TPRG1: variants seen among roughly 807,000 people sequenced by gnomAD.
The protein encoded by TPRG1 is tumor protein p63 regulated 1.
In TPRG1, 29 loss-of-function variants were observed where a neutral mutation model predicts 29.3. The observed-to-expected ratio is 0.99, with a 90% CI of 0.74 to 1.35. The LOEUF (loss-of-function observed/expected upper bound fraction) is 1.35. Ranked by LOEUF, TPRG1 falls within the 40% of genes most tolerant of loss-of-function variation. The probability of loss-of-function intolerance (pLI) is 0.00; values close to 1 mark genes in which losing one functional copy is unlikely to be tolerated. For missense variants in TPRG1, 327 were observed against 335.0 expected, an observed-to-expected ratio of 0.98 and a Z score of 0.19; for synonymous variants, 130 against 116.8, an observed-to-expected ratio of 1.11 and a Z score of -0.73.
chr3:189,284,141 A>G (rs145255650), intron 4 of TPRG1, among the ~76,000 whole-genome samples: 25 of 150,810 alleles, frequency 1.7e-4, no homozygotes, highest in African/African-American at 5.8e-4. Flanking sequence ...TGGGAAGGAC[A>G]TTTTCTGCTT....
intron 4 of TPRG1, among the ~76,000 whole-genome samples, chr3:189,061,274 C>A (rs1335110816): frequency 4.6e-5 from 7 of 152,050 alleles, no homozygotes; most frequent in Non-Finnish European, 1.0e-4. Context: ...CTCCTTCCAC[C>A]ATATACAAAA....
chr3:189,175,200 G>A (rs1033166650), intron 1 of TPRG1, among the ~76,000 whole-genome samples: 1 of 152,192 alleles, frequency 6.6e-6, no homozygotes, highest in African/African-American at 2.4e-5. Flanking sequence ...GTCTCACGAA[G>A]AAGAGATTTA....
chr3:189,255,631 C>T (rs952131878), intron 4 of TPRG1, among the ~76,000 whole-genome samples: 3 of 152,118 alleles, frequency 2.0e-5, no homozygotes, highest in Non-Finnish European at 4.4e-5. Context: ...TGGTAGAATT[C>T]GGCTGTGAAG....
intron 4 of TPRG1, among the ~76,000 whole-genome samples, chr3:189,084,937 G>C (rs1399588940): frequency 6.6e-6 from 1 of 152,186 alleles, no homozygotes; most frequent in African/African-American, 2.4e-5. Context: ...AATAGTAGAT[G>C]CTTGATAAAA....
chr3:189,096,754 T>G (rs1718705346), upstream of TPRG1, among the ~76,000 whole-genome samples: 1 of 152,236 alleles, frequency 6.6e-6, no homozygotes, highest in Non-Finnish European at 1.5e-5. Context: ...AAGTTTGGCT[T>G]AATTGAAGAC....
chr3:189,263,319 T>G (rs57987140), intron 4 of TPRG1, among the ~76,000 whole-genome samples: 85,594 of 151,966 alleles, frequency 0.56, 25,204 homozygotes, highest in African/African-American at 0.71. Context: ...GATGAAGGGG[T>G]TTATGGGGTG....
At chr3:189,118,374 C>T (rs1264603648) in intron 1 of TPRG1, among the ~76,000 whole-genome samples, 1 of 152,160 alleles carries the variant, frequency 6.6e-6, no homozygotes, top group East Asian at 1.9e-4. Flanking sequence ...GGAAAATTTG[C>T]AGCCTAACAA....
intron 5 of TPRG1, among the ~76,000 whole-genome samples, chr3:189,316,549 T>C (rs1178348445): frequency 6.6e-6 from 1 of 152,116 alleles, no homozygotes; most frequent in Non-Finnish European, 1.5e-5. Context: ...TAAGGAAAAC[T>C]GAGACTCCAG....
intron 3 of TPRG1, among the ~76,000 whole-genome samples, chr3:189,225,516 G>A (rs1737591467): frequency 6.6e-6 from 1 of 152,038 alleles, no homozygotes; most frequent in South Asian, 2.1e-4. Flanking sequence ...ATTATTTAGG[G>A]GCCTGCCAGT....
chr3:189,129,450 A>G (rs1353192944), intron 2 of TPRG1, among the ~76,000 whole-genome samples: 2 of 152,188 alleles, frequency 1.3e-5, no homozygotes, highest in African/African-American at 4.8e-5. Flanking sequence ...TTAAGATGGC[A>G]TCTGCTGGAT....
At chr3:189,163,083 C>A (rs1294488127) in intron 5 of TPRG1, among the ~76,000 whole-genome samples, 2 of 152,106 alleles carry the variant, frequency 1.3e-5, no homozygotes, top group Non-Finnish European at 2.9e-5. Context: ...ACAAGCCTGG[C>A]CAACATGGTG....
At chr3:189,203,715 T>A (rs1733850775) in intron 1 of TPRG1, among the ~76,000 whole-genome samples, 1 of 152,172 alleles carries the variant, frequency 6.6e-6, no homozygotes, top group Non-Finnish European at 1.5e-5. Flanking sequence ...TTTTATTACA[T>A]GAATTCCCTG....
At chr3:189,187,042 A>G (rs192127896) in intron 1 of TPRG1, among the ~76,000 whole-genome samples, 1 of 132,658 alleles carries the variant, frequency 7.5e-6, no homozygotes, top group Non-Finnish European at 1.5e-5. Context: ...CCTGGATCAC[A>G]GTGGCACCAT....
intron 5 of TPRG1, among the ~76,000 whole-genome samples, chr3:189,314,227 G>A (rs1723135007): frequency 6.6e-6 from 1 of 152,102 alleles, no homozygotes; most frequent in Non-Finnish European, 1.5e-5. Context: ...AGAACTTGGG[G>A]TAGGGTTGGT....
intron 4 of TPRG1, among the ~76,000 whole-genome samples, chr3:189,298,404 T>C (rs1021683538): frequency 6.6e-6 from 1 of 152,228 alleles, no homozygotes; most frequent in African/African-American, 2.4e-5. Flanking sequence ...GCACTAGCTC[T>C]GCTGAGTATG....
At chr3:189,048,084 G>A (rs1715086615) in intron 4 of TPRG1, among the ~76,000 whole-genome samples, 1 of 152,170 alleles carries the variant, frequency 6.6e-6, no homozygotes, top group Non-Finnish European at 1.5e-5. Context: ...AGATACAGCA[G>A]AAGAACCACT....
intron 4 of TPRG1, 90 bp downstream of exon 4, chr3:189,238,999 C>T (rs1386842862): frequency 8.7e-7 from 1 of 1,148,212 alleles, no homozygotes; most frequent in Admixed American, 2.5e-5. Context: ...GCCCTGTAAA[C>T]TGGGAGAACC....
At chr3:189,256,055 C>G (rs896239055) in intron 4 of TPRG1, among the ~76,000 whole-genome samples, 1 of 152,062 alleles carries the variant, frequency 6.6e-6, no homozygotes, top group African/African-American at 2.4e-5. Flanking sequence ...CTTCTGCTAG[C>G]TTTTGAATTT....
intron 3 of TPRG1, among the ~76,000 whole-genome samples, chr3:189,010,661 G>A (rs1181395911): frequency 6.6e-6 from 1 of 152,038 alleles, no homozygotes; most frequent in Non-Finnish European, 1.5e-5. Context: ...TAAGTACTTT[G>A]TAGAGTCTGG....
Sources: gnomAD v4.1 joint callset for allele counts (sites outside exome capture counted in the v4.1 genomes callset) on GRCh38, gnomAD v4.1.1 for gene constraint, MANE v1.5 for transcripts, NCBI Gene and HGNC (gene_info 2026-07-23, HGNC 2026-07-21) for gene names.